The following LTBP2 variants were observed in gnomAD, a reference collection of about 807,000 sequenced individuals.
LTBP2 encodes the protein latent-transforming growth factor beta-binding protein 2.
LTBP2 carries 103 observed loss-of-function variants against 210.6 expected under a neutral mutation model. The ratio of observed to expected loss-of-function variants is 0.49; its 90% CI spans 0.42 to 0.58. The LOEUF (loss-of-function observed/expected upper bound fraction) is 0.58. LTBP2 is among the 20% of genes least tolerant of loss of function. LTBP2 has a pLI of 0.00. For synonymous variants in LTBP2, 1,007 were observed against 1,015.0 expected, an observed-to-expected ratio of 0.99 and a Z score of 0.15; for missense variants, 2,313 against 2,494.5, an observed-to-expected ratio of 0.93 and a Z score of 1.55.
At chr14:74,564,151 TTATA>T (rs1269330827) in intron 3 of LTBP2, among the ~76,000 whole-genome samples, 2 of 8,794 alleles carry the variant, frequency 2.3e-4, no homozygotes, top group Non-Finnish European at 4.3e-4. Context: ...ATATATATAT[TTATA>T]TATATATTTA....
Position 74,507,178 on chromosome 14 carries a change from C to T in LTBP2, c.3907+1G>A. 2 of 1,614,184 alleles carry T rather than the reference C, an allele frequency of 1.2e-6. No individual in the cohort carries two copies. Reference sequence around the variant, plus strand: ...CCTCTCTCTCCTCCCTCCCTACTCACCAATGCAGTCTCCGTTCGGGGCCAT... The same window carrying T: ...CCTCTCTCTCCTCCCTCCCTACTCATCAATGCAGTCTCCGTTCGGGGCCAT... On this transcript the variant is annotated splice_donor_variant, in intron 26 of 35. Coordinates refer to ENST00000261978, the MANE Select transcript of LTBP2 (RefSeq NM_000428.3). LOFTEE classifies it high-confidence loss of function.
chr14:74,604,330 A>C (rs1184856870), intron 1 of LTBP2, among the ~76,000 whole-genome samples: 1 of 152,146 alleles, frequency 6.6e-6, no homozygotes, highest in Non-Finnish European at 1.5e-5. Flanking sequence ...AGCCCCCGGC[A>C]GTCTGGTGCG....
At chr14:74,549,641 G>A (rs1254022526) in intron 8 of LTBP2, among the ~76,000 whole-genome samples, 1 of 152,210 alleles carries the variant, frequency 6.6e-6, no homozygotes, top group African/African-American at 2.4e-5. Context: ...GCCCTTGCAG[G>A]CAATCAGATG....
chr14:74,528,425 G>A (rs1377668903), intron 12 of LTBP2, 58 bp downstream of exon 12: 5 of 1,582,566 alleles, frequency 3.2e-6, no homozygotes, highest in African/African-American at 2.7e-5. Flanking sequence ...ACTTCTCTGA[G>A]GTGCTGGAAA....
intron 2 of LTBP2, among the ~76,000 whole-genome samples, chr14:74,587,321 G>A (rs764618398): frequency 5.9e-5 from 9 of 152,012 alleles, no homozygotes; most frequent in African/African-American, 1.9e-4. Context: ...TGGGGCTTGC[G>A]GTCGAGTAAA....
chr14:74,530,736 A>G (rs1431745883), intron 10 of LTBP2, among the ~76,000 whole-genome samples: 1 of 152,138 alleles, frequency 6.6e-6, no homozygotes, highest in African/African-American at 2.4e-5. Context: ...GCTGGTTTTA[A>G]ACTCCTGAAC....
intron 3 of LTBP2, among the ~76,000 whole-genome samples, chr14:74,575,809 C>G (rs2088050386): frequency 6.6e-6 from 1 of 152,222 alleles, no homozygotes; most frequent in Non-Finnish European, 1.5e-5. Context: ...CCTCAAAAAG[C>G]ATGAGCAGGG....
chr14:74,608,715 G>GAAAAAAAAAAAAAAAAAAAAA (rs5809673), intron 1 of LTBP2, among the ~76,000 whole-genome samples: 1 of 116,274 alleles, frequency 8.6e-6, no homozygotes, highest in African/African-American at 3.3e-5. Context: ...TCAAAAAAAA[G>GAAAAAAAAAAAAAAAAAAAAA]AAAAAAAAAA....
chr14:74,498,621 G>A lies in LTBP2; in HGVS notation c.*2263C>T, dbSNP rs1036498641. 1 of 231,312 alleles carries A rather than the reference G, an allele frequency of 4.3e-6. No individual in the cohort carries two copies. The highest frequency in any genetic ancestry group is 2.2e-5 in the African/African-American group (1 of 45,210). The allele number at this position is 231,312 out of a possible 1,614,324, so 14.3% of individuals were successfully genotyped here. A position where few individuals can be genotyped will look rare whatever the true frequency, so the allele number is the denominator to read the frequency against. On this transcript the variant is annotated 3_prime_UTR_variant, in exon 36 of 36. Coordinates refer to ENST00000261978, the MANE Select transcript of LTBP2 (RefSeq NM_000428.3). ...TGTATATATGCATACAATATCTCAA[G>A]GTTGGCAGGAAGGTGGAGATTGGAG...
At chr14:74,591,038 C>T (rs543615192) in intron 2 of LTBP2, among the ~76,000 whole-genome samples, 1 of 152,238 alleles carries the variant, frequency 6.6e-6, no homozygotes, top group South Asian at 2.1e-4. Context: ...TCTAGAAATC[C>T]AAGACCCCAA....
chr14:74,525,272 GC>G, intron 14 of LTBP2, 47 bp from the exon 15 acceptor site: 1 of 1,108,660 alleles, frequency 9.0e-7, no homozygotes, highest in Non-Finnish European at 1.2e-6. Flanking sequence ...CCCTTGGCTG[GC>G]CATGGCCCTT....
At chr14:74,509,107 G>A in intron 22 of LTBP2, 131 bp downstream of exon 22, 2 of 1,573,948 alleles carry the variant, frequency 1.3e-6, no homozygotes, top group South Asian at 1.1e-5. Context: ...GGACAAGCTT[G>A]TGAGCGACTC....
At chr14:74,547,662 C>T (rs2139741794) in intron 8 of LTBP2, among the ~76,000 whole-genome samples, 1 of 152,254 alleles carries the variant, frequency 6.6e-6, no homozygotes, top group South Asian at 2.1e-4. Context: ...TTGTTCCTAC[C>T]ACCTAGAAAA....
intron 2 of LTBP2, among the ~76,000 whole-genome samples, chr14:74,593,666 A>G (rs938483193): frequency 6.6e-6 from 1 of 152,202 alleles, no homozygotes; most frequent in African/African-American, 2.4e-5. Flanking sequence ...CTCACAAGCC[A>G]TATTTCAAGT....
intron 3 of LTBP2, among the ~76,000 whole-genome samples, chr14:74,574,961 A>G (rs566557153): frequency 1.0e-3 from 153 of 152,224 alleles, no homozygotes; most frequent in Non-Finnish European, 1.7e-3. Flanking sequence ...TCCCCTGAGC[A>G]CTCAGAGGCC....
intron 8 of LTBP2, 134 bp from the exon 9 acceptor site, chr14:74,536,134 C>T: frequency 2.6e-6 from 2 of 758,712 alleles, no homozygotes; most frequent in East Asian, 2.7e-5. Flanking sequence ...AAGCCATCGC[C>T]CTGGGCAGCT....
chr14:74,529,941 T>C (rs2087329062), intron 10 of LTBP2, among the ~76,000 whole-genome samples: 1 of 152,162 alleles, frequency 6.6e-6, no homozygotes, highest in South Asian at 2.1e-4. Flanking sequence ...TAGGAATGAA[T>C]GATTCTGGGG....
At chr14:74,542,159 A>G (rs10873269) in intron 8 of LTBP2, among the ~76,000 whole-genome samples, 87,652 of 151,836 alleles carry the variant, frequency 0.58, 25,755 homozygotes, top group Middle Eastern at 0.69. Flanking sequence ...AGCATGCAGG[A>G]CAGATGTGGG....
chr14:74,509,850 T>A lies in LTBP2; in HGVS notation c.3161A>T (p.Glu1054Val). Residue 1054 changes from glutamate (E) to valine (V), a missense_variant, in exon 21 of 36, where the codon GAG becomes GTG. Physicochemically the swap from Glu to Val is moderately radical, Grantham distance 121. Transcript: ENST00000261978. Reference sequence around the variant, plus strand: ...GGGGCATGAGGCCCGGCTGGCACACTCATCCACATCTGAAATAGGGCATTG... The same window carrying A: ...GGGGCATGAGGCCCGGCTGGCACACACATCCACATCTGAAATAGGGCATTG... ...SDEKGCQDVDECASRASCPTG... is the reference protein window; with the variant it reads ...SDEKGCQDVDVCASRASCPTG... The A allele has an allele frequency of 1.2e-6, 2 of 1,613,982 alleles. No homozygotes were observed. The highest frequency in any genetic ancestry group is 2.2e-5 in the South Asian group (2 of 91,078).
Sources: allele counts gnomAD v4.1 joint callset (sites outside exome capture counted in the v4.1 genomes callset), GRCh38; gene constraint gnomAD v4.1.1; transcripts MANE v1.5; gene names NCBI Gene and HGNC (gene_info 2026-07-23, HGNC 2026-07-21).